Variants in ERGIC2 observed in about 807,000 individuals in gnomAD.
ERGIC2 encodes endoplasmic reticulum-Golgi intermediate compartment protein 2.
A neutral mutation model predicts 52.5 loss-of-function variants in ERGIC2; 31 were observed. That is an observed-to-expected ratio of 0.59 (90% CI 0.44 to 0.80). ERGIC2 has a LOEUF of 0.80. Among genes scored for constraint, ERGIC2 ranks in the 30% least tolerant of loss-of-function variants. The pLI, the probability that ERGIC2 is intolerant of heterozygous loss-of-function variation, is 0.00. For synonymous variants in ERGIC2, 129 were observed against 140.6 expected, an observed-to-expected ratio of 0.92 and a Z score of 0.58; for missense variants, 395 against 455.2, an observed-to-expected ratio of 0.87 and a Z score of 1.20.
At chr12:29,354,812 T>C (rs763914149) in intron 8 of ERGIC2, among the ~76,000 whole-genome samples, 3 of 152,136 alleles carry the variant, frequency 2.0e-5, no homozygotes, top group Non-Finnish European at 4.4e-5. Flanking sequence ...TTTCCCTCTT[T>C]GAGTTGGTTG....
At chr12:29,379,200 T>C (rs535054481) in intron 1 of ERGIC2, among the ~76,000 whole-genome samples, 2 of 152,146 alleles carry the variant, frequency 1.3e-5, no homozygotes, top group African/African-American at 4.8e-5. Flanking sequence ...AATAAAAGTA[T>C]AGAAAATTAA....
chr12:29,375,432 C>T (rs971977417), intron 1 of ERGIC2, among the ~76,000 whole-genome samples: 5 of 152,090 alleles, frequency 3.3e-5, no homozygotes, highest in Admixed American at 6.6e-5. Context: ...CAAATCACAG[C>T]AGTATGTCAT....
At chr12:29,356,693 A>C (rs1328701293) in intron 7 of ERGIC2, among the ~76,000 whole-genome samples, 1 of 152,168 alleles carries the variant, frequency 6.6e-6, no homozygotes, top group Non-Finnish European at 1.5e-5. Context: ...CATTTACATA[A>C]ATTTGAAATT....
chr12:29,341,076 A>T lies in ERGIC2; in HGVS notation c.*80T>A, dbSNP rs1477306287. 2 of 925,172 alleles carry T rather than the reference A, an allele frequency of 2.2e-6. No homozygotes were observed. Among genetic ancestry groups the T allele is most frequent in the Non-Finnish European group, 3.3e-6 (2 of 599,680 alleles). 57.3% of individuals were successfully genotyped at this position (925,172 alleles called of 1,614,324 possible). On this transcript the variant is annotated 3_prime_UTR_variant, in exon 14 of 14. Coordinates refer to ENST00000360150, the MANE Select transcript of ERGIC2 (RefSeq NM_016570.3). ...GCTTATTTGTGTTTTCTTTTCTTTG[A>T]ATATATTGCACAATATTTTATTATT...
Position 29,339,419 on chromosome 12 carries a change from A to G in ERGIC2, c.*1737T>C, listed in dbSNP as rs1179538282. The G allele has an allele frequency of 2.6e-5, 4 of 152,136 alleles. No individual in the cohort carries two copies. 9.4% of individuals were successfully genotyped at this position (152,136 alleles called of 1,614,324 possible). ...TTCCAAGCATACTTAAAGGACCAACAATCAGTCTACAATTCTAATCCTTTC... is the reference window on the plus strand; with the variant it reads ...TTCCAAGCATACTTAAAGGACCAACGATCAGTCTACAATTCTAATCCTTTC... On this transcript the variant is annotated 3_prime_UTR_variant, in exon 14 of 14. Coordinates refer to ENST00000360150, the MANE Select transcript of ERGIC2 (RefSeq NM_016570.3).
Position 29,367,307 on chromosome 12 carries a change from T to C in ERGIC2, c.263-360A>G, listed in dbSNP as rs182713564. 5.7e-4 allele frequency among the ~76,000 whole-genome samples: 87 copies of C among 151,872 alleles called. 1 individual carries two copies. The highest frequency in any genetic ancestry group is 2.0e-3 in the African/African-American group (82 of 41,520). On this transcript the variant is annotated intron_variant, in intron 4 of 13. Transcript: ENST00000360150. Reference sequence around the variant, plus strand: ...CTAATCACAAGTACTAAGTGGCTGCTGAACAAAATATTAATTCCAAGAAAT... The same window carrying C: ...CTAATCACAAGTACTAAGTGGCTGCCGAACAAAATATTAATTCCAAGAAAT...
intron 12 of ERGIC2, among the ~76,000 whole-genome samples, chr12:29,342,296 G>A (rs781651702): frequency 3.3e-5 from 5 of 152,332 alleles, no homozygotes; most frequent in Middle Eastern, 6.8e-3. Flanking sequence ...TTATAGGCAT[G>A]AGCCACTGCA....
intron 6 of ERGIC2, among the ~76,000 whole-genome samples, chr12:29,360,968 C>T (rs1034818593): frequency 7.9e-5 from 12 of 152,056 alleles, no homozygotes; most frequent in Admixed American, 5.2e-4. Flanking sequence ...AATTTGTGGC[C>T]GGGCACAGTG....
At chr12:29,376,352 A>G (rs1471787820) in intron 1 of ERGIC2, among the ~76,000 whole-genome samples, 4 of 152,184 alleles carry the variant, frequency 2.6e-5, no homozygotes, top group Admixed American at 1.3e-4. Flanking sequence ...ATCTGAATAT[A>G]TTCATAATTT....
chr12:29,345,118 C>T (rs1333973544), intron 11 of ERGIC2, among the ~76,000 whole-genome samples: 3 of 152,040 alleles, frequency 2.0e-5, no homozygotes, highest in African/African-American at 4.8e-5. Context: ...CTGCTTATAT[C>T]AATTTATGAG....
chr12:29,369,555 A>C (rs1025063917), intron 3 of ERGIC2, among the ~76,000 whole-genome samples: 7 of 152,032 alleles, frequency 4.6e-5, no homozygotes, highest in Non-Finnish European at 8.8e-5. Flanking sequence ...TTGTAATTGA[A>C]AACTAAATGT....
At chr12:29,343,362 T>C in intron 11 of ERGIC2, 80 bp from the exon 12 acceptor site, 1 of 1,154,630 alleles carries the variant, frequency 8.7e-7, no homozygotes, top group South Asian at 1.7e-5. Context: ...CTTACATACA[T>C]TCAATATTAA....
chr12:29,366,402 A>C (rs1190270810), intron 5 of ERGIC2, among the ~76,000 whole-genome samples: 1 of 152,004 alleles, frequency 6.6e-6, no homozygotes, highest in African/African-American at 2.4e-5. Context: ...GGAAGGAAGT[A>C]GTAATGCCCA....
At position 29,341,086 on chromosome 12, in the gene ERGIC2, A is replaced by G. The variant is rs926729636; in HGVS notation, c.*70T>C. ...GTTTTCTTTTCTTTGAATATATTGC[A>G]CAATATTTTATTATTAAAAAAAGGT... On this transcript the variant is annotated 3_prime_UTR_variant, in exon 14 of 14. Coordinates refer to ENST00000360150, the MANE Select transcript of ERGIC2 (RefSeq NM_016570.3). 2 of 989,344 alleles carry G rather than the reference A, an allele frequency of 2.0e-6. No homozygotes were observed. Among genetic ancestry groups the G allele is most frequent in the South Asian group, 1.5e-5 (1 of 68,654 alleles). The allele number at this position is 989,344 out of a possible 1,614,324, so 61.3% of individuals were successfully genotyped here.
chr12:29,381,132 G>C lies in ERGIC2; in HGVS notation c.-55C>G, dbSNP rs959671160. ...TATTTTACCTTGTGTTATGGTCCCA[G>C]CCTACCGCCATGTTTCACAGAAGCC... On this transcript the variant is annotated 5_prime_UTR_variant, in exon 1 of 14. Transcript: ENST00000360150. 1 of 152,220 alleles carries C rather than the reference G, an allele frequency of 6.6e-6. No individual in the cohort carries two copies. The highest frequency in any genetic ancestry group is 2.4e-5 in the African/African-American group (1 of 41,442). 9.4% of individuals were successfully genotyped at this position (152,220 alleles called of 1,614,324 possible).
chr12:29,362,681 G>T (rs79267171), intron 5 of ERGIC2, among the ~76,000 whole-genome samples: 3,315 of 151,988 alleles, frequency 0.022, 101 homozygotes, highest in African/African-American at 0.065. Flanking sequence ...CATCAATCTG[G>T]AACATGCCTC....
rs141735294 is a variant in ERGIC2, at chr12:29,358,497, G to A, written c.375-773C>T. 5.7e-3 allele frequency among the ~76,000 whole-genome samples: 861 copies of A among 152,152 alleles called. 10 individuals are homozygous for A. Among genetic ancestry groups the A allele is most frequent in the African/African-American group, 0.02 (833 of 41,524 alleles). ...ATTTGTCAGAACTCACAGAATGTAC[G>A]TTCAACACCAAGAACGAACTCTAAT... is the stretch of plus-strand genomic sequence containing the variant. On this transcript the variant is annotated intron_variant, in intron 6 of 13. Coordinates refer to ENST00000360150, the MANE Select transcript of ERGIC2 (RefSeq NM_016570.3).
chr12:29,345,763 G>GAGCCA (rs1165150070), intron 10 of ERGIC2, among the ~76,000 whole-genome samples: 1 of 151,942 alleles, frequency 6.6e-6, no homozygotes, highest in Non-Finnish European at 1.5e-5. Context: ...CTGGTCAAGA[G>GAGCCA]AGCCAGACCC....
intron 1 of ERGIC2, among the ~76,000 whole-genome samples, chr12:29,372,071 C>A (rs551147890): frequency 6.6e-6 from 1 of 152,068 alleles, no homozygotes; most frequent in African/African-American, 2.4e-5. Flanking sequence ...CAGGCACGGT[C>A]GCTCACGCCT....
Sources: allele counts gnomAD v4.1 joint callset (sites outside exome capture counted in the v4.1 genomes callset), GRCh38; gene constraint gnomAD v4.1.1; transcripts MANE v1.5; gene names NCBI Gene and HGNC (gene_info 2026-07-23, HGNC 2026-07-21).